The following RSPH10B2 variants were observed in gnomAD, a reference collection of about 807,000 sequenced individuals.
RSPH10B2 encodes the protein radial spoke head 10 homolog B2.
Under a neutral mutation model 49.0 loss-of-function variants are expected in RSPH10B2, and 9 were observed. The observed-to-expected ratio is 0.18, with a 90% CI of 0.11 to 0.32. The LOEUF is 0.32. RSPH10B2 is among the 10% of genes least tolerant of loss of function. The pLI is 1.00. For missense variants in RSPH10B2, 95 were observed against 589.9 expected, an observed-to-expected ratio of 0.16 and a Z score of 8.69; for synonymous variants, 35 against 210.2, an observed-to-expected ratio of 0.17 and a Z score of 7.21.
At chr7:6,764,761 CAT>C (rs1450885980) in intron 4 of RSPH10B2, among the ~76,000 whole-genome samples, 1 of 149,716 alleles carries the variant, frequency 6.7e-6, no homozygotes, top group Admixed American at 6.7e-5. Flanking sequence ...TTGCTTGAGA[CAT>C]ATTGGAGGGA....
At chr7:6,768,616 T>C in exon 7 of RSPH10B2, 1 of 344,942 alleles carries the variant, frequency 2.9e-6, no homozygotes, top group Non-Finnish European at 5.1e-6. Flanking sequence ...ACACATGGTT[T>C]CTAAAGAGAA....
At position 6,780,625 on chromosome 7, in the gene RSPH10B2, T is replaced by C. The variant is rs1328666142; in HGVS notation, c.1530-184T>C. On this transcript the variant is annotated intron_variant, in intron 11 of 18. Transcript: ENST00000297186. ...GTCTTAAACTCCTGACCTCGAGTGATCCGCCCACCTTGGCCTCCCAAAATG... is the reference window on the plus strand; with the variant it reads ...GTCTTAAACTCCTGACCTCGAGTGACCCGCCCACCTTGGCCTCCCAAAATG... Among the ~76,000 whole-genome samples, 5 of 117,660 alleles carry C rather than the reference T, an allele frequency of 4.2e-5. 1 individual carries two copies. The highest frequency in any genetic ancestry group is 1.6e-4 in the African/African-American group (5 of 30,506). The allele number at this position is 117,660 out of a possible 152,430, so 77.2% of individuals were successfully genotyped here.
Position 6,781,273 on chromosome 7 carries a change from A to G in RSPH10B2, c.1610-55A>G. 3 of 1,305,396 alleles carry G rather than the reference A, an allele frequency of 2.3e-6. 1 individual carries two copies. Among genetic ancestry groups the G allele is most frequent in the Middle Eastern group, 2.3e-4 (1 of 4,366 alleles). 80.9% of individuals were successfully genotyped at this position (1,305,396 alleles called of 1,614,324 possible). A position where few individuals can be genotyped will look rare whatever the true frequency, so the allele number is the denominator to read the frequency against. The stretch of plus-strand genomic sequence containing the variant: ...AAGCAATAGGATTATATTTACTGCT[A>G]TTTTTTTTCTCAAAACATAAATCTG... On this transcript the variant is annotated intron_variant, in intron 12 of 18. Transcript: ENST00000297186.
chr7:6,767,081 C>G (rs1412739034), intron 6 of RSPH10B2, among the ~76,000 whole-genome samples: 1 of 53,398 alleles, frequency 1.9e-5, no homozygotes, highest in Non-Finnish European at 4.1e-5. Context: ...TCTCCTGCCT[C>G]AGCCTCTGGA....
intron 13 of RSPH10B2, among the ~76,000 whole-genome samples, chr7:6,784,968 C>T (rs1287514180): frequency 2.3e-5 from 2 of 86,360 alleles, no homozygotes; most frequent in African/African-American, 5.3e-5. Context: ...GCGGTCACAT[C>T]GGTTTTGTTG....
At chr7:6,786,700 CGT>C (rs1331394030) in intron 14 of RSPH10B2, among the ~76,000 whole-genome samples, 176 bp from the exon 17 acceptor site, 2 of 138,460 alleles carry the variant, frequency 1.4e-5, no homozygotes, top group African/African-American at 2.8e-5. Flanking sequence ...TATGTGTGTG[CGT>C]GTCTGTGCGT....
At chr7:6,796,981 C>G (rs1782597619) in intron 18 of RSPH10B2, 1 of 379,196 alleles carries the variant, frequency 2.6e-6, no homozygotes, top group Non-Finnish European at 4.4e-6. Flanking sequence ...ATGGGAGCAT[C>G]TTTTGTTCTA....
At chr7:6,764,446 T>C (rs1366452619) in intron 4 of RSPH10B2, among the ~76,000 whole-genome samples, 3 of 151,214 alleles carry the variant, frequency 2.0e-5, no homozygotes, top group Admixed American at 1.3e-4. Flanking sequence ...CTGCAACCTC[T>C]GCCTCCCGGG....
intron 5 of RSPH10B2, 91 bp downstream of exon 7, chr7:6,765,882 C>T: frequency 2.8e-6 from 3 of 1,056,960 alleles, no homozygotes; most frequent in South Asian, 2.6e-5. Context: ...AAGTAAGATG[C>T]AAAAGTTGCA....
At chr7:6,797,645 G>A (rs1250553503) in intron 18 of RSPH10B2, among the ~76,000 whole-genome samples, 2 of 152,282 alleles carry the variant, frequency 1.3e-5, no homozygotes, top group African/African-American at 2.4e-5. Context: ...AGAATCACTT[G>A]AGTTTGAGAC....
chr7:6,791,510 A>G (rs1176492149), intron 16 of RSPH10B2, among the ~76,000 whole-genome samples: 3,286 of 127,214 alleles, frequency 0.026, 11 homozygotes, highest in Admixed American at 0.044. Context: ...TTGGGAGGCC[A>G]AGGCAGGCAG....
chr7:6,796,753 G>A lies in RSPH10B2; in HGVS notation c.2419G>A (p.Glu807Lys), dbSNP rs1347171319. ...CCAGCAGCGGAAGATGGAAGATGAC[G>A]AACTGGAAGCAAGGTAACTTACGAG... The change falls in exon 18 of 19, where the codon GAA becomes AAA. Residue 807 changes from glutamate to lysine, a missense_variant. Coordinates refer to ENST00000297186, the Ensembl canonical transcript of RSPH10B2. 3.8e-6 allele frequency: 5 copies of A among 1,299,666 alleles called. 2 individuals carry two copies. Among genetic ancestry groups the A allele is most frequent in the Admixed American group, 2.5e-5 (1 of 40,092 alleles). The allele number at this position is 1,299,666 out of a possible 1,614,324, so 80.5% of individuals were successfully genotyped here. A position where few individuals can be genotyped will look rare whatever the true frequency, so the allele number is the denominator to read the frequency against.
rs1310874875 is a variant in RSPH10B2 at position 6,761,304 on chromosome 7, TA to T, written c.399+1012del. 6.4e-5 allele frequency: 8 copies of T among 125,578 alleles called. No individual in the cohort carries two copies. In the East Asian group the frequency reaches 1.6e-3, roughly 25 times the overall value. The allele number at this position is 125,578 out of a possible 1,614,324, so 7.8% of individuals were successfully genotyped here. A position where few individuals can be genotyped will look rare whatever the true frequency, so the allele number is the denominator to read the frequency against. ...TGATGACATTTAAAACACATGCGCA[TA>T]ACGCACTTATTCAAATAACACACAG... On this transcript the variant is annotated intron_variant, in intron 3 of 18. Transcript: ENST00000297186.
chr7:6,769,386 T>C (rs1329314055), intron 7 of RSPH10B2, among the ~76,000 whole-genome samples: 8 of 33,896 alleles, frequency 2.4e-4, no homozygotes, highest in African/African-American at 1.4e-3. Flanking sequence ...TAATTTTAAT[T>C]GTGGTAGAGT....
At chr7:6,761,660 C>T (rs1781271456) in intron 3 of RSPH10B2, 1 of 153,088 alleles carries the variant, frequency 6.5e-6, no homozygotes, top group Non-Finnish European at 1.5e-5. Flanking sequence ...GCAACCTCCA[C>T]CTCCTGGGTT....
rs1336342853 is a variant in RSPH10B2, at chr7:6,786,307, C to T, written c.1866+251C>T. Among the ~76,000 whole-genome samples the T allele has an allele frequency of 5.3e-3, 538 of 101,466 alleles. 5 individuals are homozygous for T. The highest frequency in any genetic ancestry group is 0.021 in the African/African-American group (507 of 23,614). The allele number at this position is 101,466 out of a possible 152,430, so 66.6% of individuals were successfully genotyped here. A position where few individuals can be genotyped will look rare whatever the true frequency, so the allele number is the denominator to read the frequency against. ...ACGCCATTCTCCTGCCTCAGCCTCC[C>T]GAGTAGCTGAGACTACAGGCGCCCG... is the stretch of plus-strand genomic sequence containing the variant. On this transcript the variant is annotated intron_variant, in intron 14 of 18. Transcript: ENST00000297186.
chr7:6,756,091 A>G (rs1329985355), upstream of RSPH10B2, among the ~76,000 whole-genome samples: 10 of 150,348 alleles, frequency 6.7e-5, no homozygotes, highest in Non-Finnish European at 1.0e-4. Flanking sequence ...ACCCGGTGAA[A>G]CCCCGTCTCT....
At chr7:6,791,504 G>A (rs1169241953) in intron 16 of RSPH10B2, among the ~76,000 whole-genome samples, 1 of 144,460 alleles carries the variant, frequency 6.9e-6, no homozygotes, top group Non-Finnish European at 1.5e-5. Context: ...AGCACTTTGG[G>A]AGGCCAAGGC....
intron 13 of RSPH10B2, among the ~76,000 whole-genome samples, chr7:6,783,864 T>G (rs1379998376): frequency 7.0e-6 from 1 of 142,956 alleles, no homozygotes; most frequent in Admixed American, 7.1e-5. Context: ...ATTTTGACAG[T>G]CTTGCTCTGT....
Sources: gnomAD v4.1 joint callset for allele counts (sites outside exome capture counted in the v4.1 genomes callset) on GRCh38, gnomAD v4.1.1 for gene constraint, MANE v1.5 for transcripts, NCBI Gene and HGNC (gene_info 2026-07-23, HGNC 2026-07-21) for gene names.